NKAIN3: variants seen among roughly 807,000 people sequenced by gnomAD.
NKAIN3 encodes the protein sodium/potassium transporting ATPase interacting 3, also known as sodium/potassium-transporting ATPase subunit beta-1-interacting protein 3.
NKAIN3 carries 25 observed loss-of-function variants against 30.2 expected under a neutral mutation model. The ratio of observed to expected loss-of-function variants is 0.83; its 90% CI spans 0.60 to 1.16. The LOEUF is 1.16. NKAIN3 is among the 50% of genes most tolerant of loss of function. The pLI, the probability that NKAIN3 is intolerant of heterozygous loss-of-function variation, is 0.00. For missense variants in NKAIN3, 225 were observed against 254.1 expected (o/e 0.89, Z 0.78); for synonymous variants, 91 against 89.6 (o/e 1.02, Z -0.09).
At chr8:62,680,267 G>C (rs1813609594) in intron 3 of NKAIN3, among the ~76,000 whole-genome samples, 1 of 152,128 alleles carries the variant, frequency 6.6e-6, no homozygotes, top group Admixed American at 6.6e-5. Flanking sequence ...AAAGCCTCCA[G>C]GAGAAAAACA....
chr8:62,466,408 A>T (rs13254279), intron 1 of NKAIN3, among the ~76,000 whole-genome samples: 2 of 151,956 alleles, frequency 1.3e-5, no homozygotes, highest in Non-Finnish European at 2.9e-5. Flanking sequence ...AGTAATATGT[A>T]GATACTTAGT....
At chr8:62,778,058 G>T (rs771271298) in intron 4 of NKAIN3, among the ~76,000 whole-genome samples, 4 of 152,118 alleles carry the variant, frequency 2.6e-5, no homozygotes, top group Non-Finnish European at 5.9e-5. Context: ...CCCAGACAGA[G>T]TCTCTGTATA....
chr8:62,668,345 C>A (rs1284582013), intron 3 of NKAIN3, among the ~76,000 whole-genome samples: 3 of 152,106 alleles, frequency 2.0e-5, no homozygotes, highest in East Asian at 1.9e-4. Flanking sequence ...TGGAAAGGAT[C>A]CTTAAAGGCT....
intron 1 of NKAIN3, among the ~76,000 whole-genome samples, chr8:62,291,992 T>G (rs1046326992): frequency 6.6e-5 from 10 of 152,076 alleles, no homozygotes; most frequent in South Asian, 2.1e-4. Context: ...ATTATGTAAT[T>G]GCCTTCTTTG....
intron 4 of NKAIN3, among the ~76,000 whole-genome samples, chr8:62,814,973 T>C (rs377506851): frequency 6.6e-6 from 1 of 151,968 alleles, no homozygotes; most frequent in Non-Finnish European, 1.5e-5. Flanking sequence ...ACAAAATTGA[T>C]AGACTGCTAG....
At chr8:62,575,808 T>G (rs527360024) in intron 1 of NKAIN3, among the ~76,000 whole-genome samples, 2 of 152,080 alleles carry the variant, frequency 1.3e-5, no homozygotes, top group Middle Eastern at 3.4e-3. Flanking sequence ...AGAAATAAAC[T>G]TATATATCTA....
At chr8:62,776,466 G>A (rs896969475) in intron 4 of NKAIN3, among the ~76,000 whole-genome samples, 3 of 151,958 alleles carry the variant, frequency 2.0e-5, no homozygotes, top group African/African-American at 7.2e-5. Flanking sequence ...CTGATTTGAA[G>A]TTACAATGAG....
At chr8:62,300,229 A>G (rs985660588) in intron 1 of NKAIN3, among the ~76,000 whole-genome samples, 1 of 152,136 alleles carries the variant, frequency 6.6e-6, no homozygotes, top group Non-Finnish European at 1.5e-5. Flanking sequence ...ATGAAAAAAT[A>G]TGTTCACAAT....
intron 6 of NKAIN3, among the ~76,000 whole-genome samples, chr8:62,957,892 T>C (rs990921578): frequency 6.6e-6 from 1 of 151,316 alleles, no homozygotes; most frequent in African/African-American, 2.4e-5. Flanking sequence ...GATTCATCAA[T>C]TGTAACACAT....
chr8:62,287,007 G>A (rs377162130), intron 1 of NKAIN3, among the ~76,000 whole-genome samples: 4 of 151,214 alleles, frequency 2.6e-5, no homozygotes, highest in Non-Finnish European at 4.4e-5. Flanking sequence ...ATTTCAACTG[G>A]GGCATGGAAA....
chr8:62,507,232 GA>G, intron 1 of NKAIN3, among the ~76,000 whole-genome samples: 1 of 152,280 alleles, frequency 6.6e-6, no homozygotes, highest in East Asian at 1.9e-4. Context: ...CCAGATGGAT[GA>G]AGATTTCCGA....
intron 1 of NKAIN3, among the ~76,000 whole-genome samples, chr8:62,262,613 C>T (rs1812476815): frequency 6.6e-6 from 1 of 152,068 alleles, no homozygotes; most frequent in South Asian, 2.1e-4. Context: ...TAGATGAAGC[C>T]ACTGAACCAT....
chr8:62,745,070 G>T (rs1816024703), intron 3 of NKAIN3, among the ~76,000 whole-genome samples: 1 of 152,112 alleles, frequency 6.6e-6, no homozygotes. Flanking sequence ...GTAAAAAGAG[G>T]GTTTCCCTAC....
At chr8:62,321,247 A>T (rs1020629623) in intron 1 of NKAIN3, among the ~76,000 whole-genome samples, 1 of 151,992 alleles carries the variant, frequency 6.6e-6, no homozygotes, top group Admixed American at 6.6e-5. Flanking sequence ...ATTTTTTTTC[A>T]AAGTTTTTAA....
intron 3 of NKAIN3, among the ~76,000 whole-genome samples, chr8:62,733,817 A>T (rs1758829353): frequency 6.6e-6 from 1 of 152,186 alleles, no homozygotes; most frequent in Non-Finnish European, 1.5e-5. Flanking sequence ...AATCTCTTCA[A>T]ATACATCTTC....
chr8:62,870,736 TATATATCTAG>T (rs1273345015), intron 4 of NKAIN3, among the ~76,000 whole-genome samples: 8 of 140,834 alleles, frequency 5.7e-5, no homozygotes, highest in Admixed American at 1.4e-4. Context: ...TATATATCTA[TATATATCTAG>T]ATATCTAGAT....
At chr8:62,429,471 G>T (rs1378714888) in intron 1 of NKAIN3, among the ~76,000 whole-genome samples, 1 of 151,758 alleles carries the variant, frequency 6.6e-6, no homozygotes, top group Non-Finnish European at 1.5e-5. Context: ...TGATCAAGAA[G>T]AATGATCTTT....
intron 3 of NKAIN3, among the ~76,000 whole-genome samples, chr8:62,597,574 G>A (rs1385809228): frequency 1.3e-5 from 2 of 151,988 alleles, no homozygotes; most frequent in South Asian, 2.1e-4. Context: ...TTTTCAAGGT[G>A]AAAATCTGAA....
chr8:62,314,658 A>G (rs1184164225), intron 1 of NKAIN3, among the ~76,000 whole-genome samples: 1 of 152,160 alleles, frequency 6.6e-6, no homozygotes, highest in African/African-American at 2.4e-5. Flanking sequence ...CTCGCTTGTC[A>G]AGCTAGGTTC....
Sources: gnomAD v4.1 joint callset for allele counts (sites outside exome capture counted in the v4.1 genomes callset) on GRCh38, gnomAD v4.1.1 for gene constraint, MANE v1.5 for transcripts, NCBI Gene and HGNC (gene_info 2026-07-23, HGNC 2026-07-21) for gene names.